CFAP91: variants seen among roughly 807,000 people sequenced by gnomAD.
CFAP91 encodes the protein cilia- and flagella-associated protein 91.
In CFAP91, 85 loss-of-function variants were observed where a neutral mutation model predicts 95.9. The observed-to-expected ratio is 0.89, with a 90% CI of 0.74 to 1.06. The LOEUF (loss-of-function observed/expected upper bound fraction) is 1.06, where lower values mean the gene tolerates loss of function less well. Ranked by LOEUF, CFAP91 falls within the 50% of genes least tolerant of loss-of-function variation. CFAP91 has a pLI of 0.00. For synonymous variants in CFAP91, 335 were observed against 327.5 expected, an observed-to-expected ratio of 1.02 and a Z score of -0.25; for missense variants, 962 against 943.4, an observed-to-expected ratio of 1.02 and a Z score of -0.26.
At chr3:119,751,410 A>AGTTTT (rs2054323515) in intron 17 of CFAP91, among the ~76,000 whole-genome samples, 1 of 152,182 alleles carries the variant, frequency 6.6e-6, no homozygotes, top group Non-Finnish European at 1.5e-5. Context: ...GTTACATATA[A>AGTTTT]ACAATCTTGT....
chr3:119,758,980 T>C (rs975312278), intron 17 of CFAP91, among the ~76,000 whole-genome samples: 4 of 152,076 alleles, frequency 2.6e-5, no homozygotes, highest in Admixed American at 6.5e-5. Context: ...GTAGTGTATT[T>C]TGAATTTTAT....
chr3:119,749,501 A>G (rs962321591), intron 16 of CFAP91, among the ~76,000 whole-genome samples: 3 of 152,000 alleles, frequency 2.0e-5, no homozygotes, highest in African/African-American at 7.3e-5. Context: ...TCCAGCCTGA[A>G]CACAGAATGA....
intron 5 of CFAP91, among the ~76,000 whole-genome samples, chr3:119,714,760 T>G (rs771302262): frequency 6.6e-6 from 1 of 152,234 alleles, no homozygotes; most frequent in Non-Finnish European, 1.5e-5. Flanking sequence ...TTTCTAAGTT[T>G]GCCATTCACC....
At chr3:119,737,186 C>T (rs1415538225) in intron 10 of CFAP91, among the ~76,000 whole-genome samples, 180 bp from the exon 11 acceptor site, 1 of 152,050 alleles carries the variant, frequency 6.6e-6, no homozygotes, top group Non-Finnish European at 1.5e-5. Context: ...TATCTGTGAC[C>T]TAGATCTGGT....
chr3:119,719,820 A>T (rs1285063045), intron 6 of CFAP91, among the ~76,000 whole-genome samples: 1 of 152,170 alleles, frequency 6.6e-6, no homozygotes, highest in Non-Finnish European at 1.5e-5. Flanking sequence ...AAACTTAGAA[A>T]GGCTGGGCGT....
chr3:119,761,380 A>G (rs1258129966), intron 17 of CFAP91, among the ~76,000 whole-genome samples: 1 of 151,880 alleles, frequency 6.6e-6, no homozygotes, highest in East Asian at 1.9e-4. Flanking sequence ...GACTCTCATC[A>G]AAGAAAATCC....
At chr3:119,736,459 G>A (rs1431039873) in intron 10 of CFAP91, among the ~76,000 whole-genome samples, 47 of 151,370 alleles carry the variant, frequency 3.1e-4, no homozygotes, top group Admixed American at 3.0e-3. Flanking sequence ...TGTATTTTTA[G>A]TAGAGACGGG....
At position 119,737,443 on chromosome 3, in the gene CFAP91, A is replaced by C. The variant is rs1480291613; in HGVS notation, c.1422A>C (p.Gln474His). Reference protein sequence around the residue: ...PRFLQRNPIPQPRLPTPTLEM... With the variant: ...PRFLQRNPIPHPRLPTPTLEM... ...TCCTTCAAAGAAACCCAATACCTCA[A>C]CCTCGGCTTCCAACTCCAACCTTGG... Residue 474 changes from glutamine to histidine, a missense_variant, in exon 11 of 18, where the codon CAA becomes CAC. Physicochemically the swap from Gln to His is conservative, Grantham distance 24. Coordinates refer to ENST00000273390, the MANE Select transcript of CFAP91 (RefSeq NM_033364.4). 1.2e-6 allele frequency: 2 copies of C among 1,610,712 alleles called. No individual in the cohort carries two copies. Among genetic ancestry groups the C allele is most frequent in the East Asian group, 4.5e-5 (2 of 44,728 alleles).
chr3:119,725,668 G>A (rs1478966529), intron 6 of CFAP91, among the ~76,000 whole-genome samples: 2 of 151,786 alleles, frequency 1.3e-5, no homozygotes, highest in African/African-American at 2.4e-5. Flanking sequence ...GAGGTGGGGG[G>A]ATCATTTGTG....
At chr3:119,762,756 T>A (rs2054560658) in intron 17 of CFAP91, among the ~76,000 whole-genome samples, 1 of 152,076 alleles carries the variant, frequency 6.6e-6, no homozygotes, top group South Asian at 2.1e-4. Context: ...CTGAGAAAAC[T>A]GGATATCTAC....
chr3:119,716,012 T>G, intron 6 of CFAP91: 1 of 569,654 alleles, frequency 1.8e-6, no homozygotes, highest in Non-Finnish European at 3.1e-6. Context: ...CTCACCTATG[T>G]CCTCTCATTT....
At chr3:119,753,955 G>A (rs534617198) in intron 17 of CFAP91, among the ~76,000 whole-genome samples, 1 of 152,352 alleles carries the variant, frequency 6.6e-6, no homozygotes, top group Admixed American at 6.5e-5. Context: ...TGTTGTTTAA[G>A]CCATCTAGTC....
intron 6 of CFAP91, among the ~76,000 whole-genome samples, chr3:119,721,768 C>T (rs2107872420): frequency 6.6e-6 from 1 of 152,250 alleles, no homozygotes; most frequent in African/African-American, 2.4e-5. Context: ...CAAAACTATC[C>T]TTATTTGCAC....
chr3:119,751,091 C>G lies in CFAP91; in HGVS notation c.2298C>G (p.Asn766Lys). The G allele has an allele frequency of 1.9e-6, 3 of 1,597,746 alleles. No homozygotes were observed. Among genetic ancestry groups the G allele is most frequent in the Non-Finnish European group, 2.6e-6 (3 of 1,174,648 alleles). Reference protein sequence around the residue: ...LLEKETQNENNS With the variant: ...LLEKETQNENKS ...AGAAAGAAACTCAAAATGAGAACAACAGCTAAGGTGAGTTTGATTTTCCAC... is the reference window on the plus strand; with the variant it reads ...AGAAAGAAACTCAAAATGAGAACAAGAGCTAAGGTGAGTTTGATTTTCCAC... Residue 766 changes from asparagine (N) to lysine (K), a missense_variant, in exon 17 of 18, where the codon AAC (asparagine) becomes AAG (lysine). Physicochemically the swap from Asn to Lys is moderately conservative, Grantham distance 94. Coordinates refer to ENST00000273390, the MANE Select transcript of CFAP91 (RefSeq NM_033364.4).
chr3:119,751,348 G>A (rs915247461), intron 17 of CFAP91, among the ~76,000 whole-genome samples: 3 of 152,162 alleles, frequency 2.0e-5, no homozygotes, highest in African/African-American at 7.2e-5. Flanking sequence ...ATTTTTATGG[G>A]TTCTTTTAGC....
At chr3:119,744,256 G>A in intron 14 of CFAP91, 60 bp downstream of exon 14, 1 of 1,339,994 alleles carries the variant, frequency 7.5e-7, no homozygotes, top group East Asian at 2.4e-5. Context: ...CAAACCAAAG[G>A]AAGCTCATGA....
chr3:119,722,712 C>T (rs192668699), intron 6 of CFAP91, among the ~76,000 whole-genome samples: 10 of 152,080 alleles, frequency 6.6e-5, no homozygotes, highest in Admixed American at 1.3e-4. Flanking sequence ...CCAGGCTGGT[C>T]TCCAATTCTT....
chr3:119,738,330 G>GTTTTTTTTTTTTTTTTTTTT lies in CFAP91; in HGVS notation c.1461+849_1461+850insTTTTTTTTTTTTTTTTTTTT, dbSNP rs1559761130. Among the ~76,000 whole-genome samples the GTTTTTTTTTTTTTTTTTTTT allele has an allele frequency of 4.6e-4, 11 of 23,706 alleles. 1 individual carries two copies. The highest frequency in any genetic ancestry group is 1.1e-3 in the Non-Finnish European group (9 of 8,210). 15.6% of individuals were successfully genotyped at this position (23,706 alleles called of 152,430 possible). A position where few individuals can be genotyped will look rare whatever the true frequency, so the allele number is the denominator to read the frequency against. Reference sequence around the variant, plus strand: ...TGTGCAGGGCTTTGGTTGACATATTGTCTTTTTTTTTTTTTTTTTTTTTTT... The same window carrying GTTTTTTTTTTTTTTTTTTTT: ...TGTGCAGGGCTTTGGTTGACATATTGTTTTTTTTTTTTTTTTTTTTTCTTTTTTTTTTTTTTTTTTTTTTT... On this transcript the variant is annotated intron_variant, in intron 11 of 17. Coordinates refer to ENST00000273390, the MANE Select transcript of CFAP91 (RefSeq NM_033364.4).
chr3:119,706,634 A>G (rs1485130023), intron 1 of CFAP91, 175 bp from the exon 2 acceptor site: 2 of 555,506 alleles, frequency 3.6e-6, no homozygotes, highest in Admixed American at 3.1e-5. Context: ...TGCTGGTAGA[A>G]GTGGTAGAGT....
Sources: allele counts gnomAD v4.1 joint callset (sites outside exome capture counted in the v4.1 genomes callset), GRCh38; gene constraint gnomAD v4.1.1; transcripts MANE v1.5; gene names NCBI Gene and HGNC (gene_info 2026-07-23, HGNC 2026-07-21).